KLHL1: variants seen among roughly 807,000 people sequenced by gnomAD.
KLHL1 encodes the protein kelch like family member 1, also known as kelch-like protein 1.
In KLHL1, 47 loss-of-function variants were observed where a neutral mutation model predicts 77.7. The ratio of observed to expected loss-of-function variants is 0.60; its 90% CI spans 0.48 to 0.77. The LOEUF is 0.77. KLHL1 is among the 30% of genes least tolerant of loss of function. KLHL1 has a pLI of 0.00. For synonymous variants in KLHL1, 360 were observed against 325.2 expected, an observed-to-expected ratio of 1.11 and a Z score of -1.15; for missense variants, 925 against 910.8, an observed-to-expected ratio of 1.02 and a Z score of -0.20.
chr13:70,048,149 G>A (rs1441554), intron 1 of KLHL1, among the ~76,000 whole-genome samples: 150,275 of 152,274 alleles, frequency 0.99, 74,176 homozygotes, highest in East Asian at 1. Context: ...TTACATTTTT[G>A]GCAACTTATC....
At chr13:70,094,194 G>A (rs1379828265) in intron 1 of KLHL1, among the ~76,000 whole-genome samples, 1 of 151,918 alleles carries the variant, frequency 6.6e-6, no homozygotes, top group East Asian at 1.9e-4. Flanking sequence ...GCCAGATGTG[G>A]CAGCATGCAC....
chr13:70,024,637 TC>T (rs1885893150), intron 1 of KLHL1, among the ~76,000 whole-genome samples: 2 of 146,168 alleles, frequency 1.4e-5, no homozygotes, highest in Non-Finnish European at 3.0e-5. Flanking sequence ...TCTCTCTCTC[TC>T]TCTCTCTCTC....
At chr13:69,789,945 C>T (rs962637314) in intron 7 of KLHL1, among the ~76,000 whole-genome samples, 18 of 152,046 alleles carry the variant, frequency 1.2e-4, no homozygotes, top group African/African-American at 2.2e-4. Context: ...GAGGCAGAGA[C>T]GCCAGCTGAA....
intron 7 of KLHL1, among the ~76,000 whole-genome samples, chr13:69,762,559 T>C (rs1482950188): frequency 6.6e-6 from 1 of 151,176 alleles, no homozygotes; most frequent in Non-Finnish European, 1.5e-5. Context: ...GCAGGAAAAC[T>C]TTAAAACTTT....
chr13:70,038,268 C>T (rs531961787), intron 1 of KLHL1, among the ~76,000 whole-genome samples: 1 of 152,258 alleles, frequency 6.6e-6, no homozygotes, highest in African/African-American at 2.4e-5. Flanking sequence ...GAGCATTATT[C>T]TGTGGTAGCA....
chr13:70,076,183 G>A (rs868379874), intron 1 of KLHL1, among the ~76,000 whole-genome samples: 1 of 151,790 alleles, frequency 6.6e-6, no homozygotes, highest in African/African-American at 2.4e-5. Context: ...TCAATGCAAC[G>A]GTTAAGAAAA....
chr13:69,912,855 C>G (rs1033032656), intron 4 of KLHL1, among the ~76,000 whole-genome samples: 1 of 152,236 alleles, frequency 6.6e-6, no homozygotes, highest in Middle Eastern at 3.4e-3. Flanking sequence ...AGACTACCTG[C>G]TTGCCTTCTG....
At chr13:69,720,184 T>C (rs9529625) in intron 8 of KLHL1, among the ~76,000 whole-genome samples, 74,089 of 151,944 alleles carry the variant, frequency 0.49, 19,512 homozygotes, top group East Asian at 0.67. Context: ...TGAAGTTTAC[T>C]TGATACACTC....
chr13:69,770,052 A>T (rs1875490339), intron 7 of KLHL1, among the ~76,000 whole-genome samples: 1 of 152,056 alleles, frequency 6.6e-6, no homozygotes, highest in Admixed American at 6.5e-5. Context: ...AACAGTGGGA[A>T]TGAGATAGAA....
At chr13:70,081,020 TA>T (rs1887379747) in intron 1 of KLHL1, among the ~76,000 whole-genome samples, 1 of 152,202 alleles carries the variant, frequency 6.6e-6, no homozygotes. Flanking sequence ...GTGCATATCA[TA>T]AAAATAACTC....
rs528749358 is a variant in KLHL1, at chr13:70,014,780, ATAG to A, written c.498-38981_498-38979del. 1.3e-4 allele frequency among the ~76,000 whole-genome samples: 20 copies of A among 152,244 alleles called. No homozygotes were observed. In the East Asian group the frequency reaches 3.9e-3, roughly 29 times the overall value. The stretch of plus-strand genomic sequence containing the variant: ...TTGAGTGAGCTTCTAGGGATGAAAC[ATAG>A]TAGACTTAAACAGATAAACAGACGC... On this transcript the variant is annotated intron_variant, in intron 1 of 10. Transcript: ENST00000377844.
At chr13:69,849,089 C>A (rs969707410) in intron 5 of KLHL1, among the ~76,000 whole-genome samples, 22 of 151,400 alleles carry the variant, frequency 1.5e-4, no homozygotes, top group African/African-American at 5.3e-4. Flanking sequence ...ACTTTTCATT[C>A]CTTCATTCCT....
At chr13:69,714,325 A>G (rs1876013968) in intron 9 of KLHL1, among the ~76,000 whole-genome samples, 1 of 152,138 alleles carries the variant, frequency 6.6e-6, no homozygotes, top group South Asian at 2.1e-4. Context: ...AAACAAGAAA[A>G]AGCTAAACAG....
At chr13:69,713,873 A>C (rs1875990964) in intron 9 of KLHL1, among the ~76,000 whole-genome samples, 1 of 152,126 alleles carries the variant, frequency 6.6e-6, no homozygotes, top group Non-Finnish European at 1.5e-5. Flanking sequence ...ATGATTACAA[A>C]ACCTTGAAAT....
chr13:69,807,323 G>A, intron 6 of KLHL1, among the ~76,000 whole-genome samples: 1 of 152,086 alleles, frequency 6.6e-6, no homozygotes, highest in East Asian at 1.9e-4. Flanking sequence ...CTTGGCCTGA[G>A]CTTGGGATGA....
chr13:70,001,689 C>CTATCTATCTATCTATG, intron 1 of KLHL1, among the ~76,000 whole-genome samples: 1 of 150,770 alleles, frequency 6.6e-6, no homozygotes, highest in South Asian at 2.1e-4. Context: ...ATCTATCTAT[C>CTATCTATCTATCTATG]TATCTATCAT....
At chr13:69,930,893 G>C (rs145849497) in intron 4 of KLHL1, among the ~76,000 whole-genome samples, 2 of 151,454 alleles carry the variant, frequency 1.3e-5, no homozygotes, top group Non-Finnish European at 3.0e-5. Context: ...GCATATATGC[G>C]TTAATCAGTG....
intron 7 of KLHL1, among the ~76,000 whole-genome samples, chr13:69,783,728 A>C (rs1335186190): frequency 7.8e-6 from 1 of 128,744 alleles, no homozygotes; most frequent in African/African-American, 3.1e-5. Flanking sequence ...AGTGACGGGG[A>C]CAATGGAACC....
In KLHL1 at chr13:69,939,340, C is replaced by T. The variant is rs9542124; in HGVS notation, c.1014+700G>A. Among the ~76,000 whole-genome samples the T allele has an allele frequency of 3.7e-3, 223 of 60,824 alleles. 3 individuals are homozygous for T. Among genetic ancestry groups the T allele is most frequent in the East Asian group, 0.021 (41 of 1,976 alleles). The allele number at this position is 60,824 out of a possible 152,430, so 39.9% of individuals were successfully genotyped here. ...ACACTCATATATATACATATACATA[C>T]ATATATATATATATATATATATATA... is the stretch of plus-strand genomic sequence containing the variant. On this transcript the variant is annotated intron_variant, in intron 4 of 10. Transcript: ENST00000377844.
Sources: allele counts gnomAD v4.1 joint callset (sites outside exome capture counted in the v4.1 genomes callset), GRCh38; gene constraint gnomAD v4.1.1; transcripts MANE v1.5; gene names NCBI Gene and HGNC (gene_info 2026-07-23, HGNC 2026-07-21).